Variants in HIVEP3 observed in about 807,000 individuals in gnomAD.
HIVEP3 encodes the protein HIVEP zinc finger 3.
Under a neutral mutation model 152.8 loss-of-function variants are expected in HIVEP3, and 49 were observed. The observed-to-expected ratio is 0.32, with a 90% CI of 0.26 to 0.41. HIVEP3 has a LOEUF of 0.41. Ranked by LOEUF, HIVEP3 falls within the 10% of genes least tolerant of loss-of-function variation. The probability of loss-of-function intolerance (pLI) is 1.00; values close to 1 mark genes in which losing one functional copy is unlikely to be tolerated. For synonymous variants in HIVEP3, 1,269 were observed against 1,289.0 expected (o/e 0.98, Z 0.33); for missense variants, 2,790 against 3,103.3 (o/e 0.90, Z 2.40).
intron 5 of HIVEP3, among the ~76,000 whole-genome samples, chr1:41,548,546 T>A (rs983634359): frequency 2.0e-5 from 3 of 152,286 alleles, no homozygotes; most frequent in Admixed American, 1.3e-4. Flanking sequence ...GGTTTGTTTT[T>A]TTTTTTGAGA....
At chr1:41,972,856 G>A (rs1368090870) in intron 1 of HIVEP3, among the ~76,000 whole-genome samples, 2 of 152,052 alleles carry the variant, frequency 1.3e-5, no homozygotes, top group South Asian at 2.1e-4. Flanking sequence ...TTTTCTCTGA[G>A]TGGGTTCTTC....
At chr1:41,868,541 C>T (rs1281653232) in intron 1 of HIVEP3, among the ~76,000 whole-genome samples, 1 of 152,134 alleles carries the variant, frequency 6.6e-6, no homozygotes, top group African/African-American at 2.4e-5. Context: ...TGTTTATATT[C>T]AACCCTAAAG....
chr1:41,866,998 A>C (rs1643989166), intron 1 of HIVEP3, among the ~76,000 whole-genome samples: 1 of 152,188 alleles, frequency 6.6e-6, no homozygotes, highest in African/African-American at 2.4e-5. Context: ...GACATCTTTA[A>C]AGCTTGCAAA....
At position 41,510,991 on chromosome 1, in the gene HIVEP3, C is replaced by T. The variant is rs778521437; in HGVS notation, c.6681G>A (p.Gly2227=). 12 of 1,613,402 alleles carry T rather than the reference C, an allele frequency of 7.4e-6. No homozygotes were observed. The South Asian group carries it at 9.9e-5, about 13-fold the overall frequency. The change falls in exon 9 of 9, where the codon GGG becomes GGA. Residue 2227 remains glycine, a synonymous_variant. Coordinates refer to ENST00000372583, the MANE Select transcript of HIVEP3 (RefSeq NM_024503.5). ...GGGCCCCTGTCAGGTCGCTGCCACCCCCGGAGAAGCCACTGACCCAGGCTG... is the reference window on the plus strand; with the variant it reads ...GGGCCCCTGTCAGGTCGCTGCCACCTCCGGAGAAGCCACTGACCCAGGCTG... ...PTAAWVSGFS[G]GGSDLTGARE...
intron 1 of HIVEP3, among the ~76,000 whole-genome samples, chr1:41,884,006 A>G (rs1005243770): frequency 6.6e-6 from 1 of 152,216 alleles, no homozygotes; most frequent in Non-Finnish European, 1.5e-5. Context: ...TCTGTCACCC[A>G]GGCTAGAGCA....
At chr1:41,897,852 T>C (rs986829062) in intron 1 of HIVEP3, among the ~76,000 whole-genome samples, 2 of 151,750 alleles carry the variant, frequency 1.3e-5, no homozygotes, top group South Asian at 2.1e-4. Context: ...TCCACACTCT[T>C]AGGGAGAGGA....
intron 1 of HIVEP3, among the ~76,000 whole-genome samples, chr1:41,866,536 T>C (rs1281780430): frequency 1.1e-5 from 1 of 87,822 alleles, no homozygotes; most frequent in African/African-American, 5.7e-5. Context: ...TGGGACTCAC[T>C]GGATCTGGAC....
chr1:41,827,751 G>T (rs1374266898), intron 1 of HIVEP3, among the ~76,000 whole-genome samples: 1 of 152,176 alleles, frequency 6.6e-6, no homozygotes, highest in Non-Finnish European at 1.5e-5. Context: ...ACATGAAGAA[G>T]ATTTTTTTTC....
chr1:41,555,897 C>T (rs1206141708), intron 5 of HIVEP3, among the ~76,000 whole-genome samples: 4 of 152,174 alleles, frequency 2.6e-5, no homozygotes, highest in Admixed American at 6.5e-5. Flanking sequence ...TGTCCTTTTT[C>T]GTGACTGGCT....
chr1:41,608,519 C>G (rs1176885233), intron 3 of HIVEP3, among the ~76,000 whole-genome samples: 9 of 152,210 alleles, frequency 5.9e-5, no homozygotes, highest in Non-Finnish European at 1.0e-4. Flanking sequence ...ACTTGCTCTT[C>G]TGAAGGGCTC....
intron 1 of HIVEP3, among the ~76,000 whole-genome samples, chr1:41,704,660 G>C (rs566474817): frequency 4.6e-5 from 7 of 152,338 alleles, no homozygotes; most frequent in African/African-American, 1.4e-4. Context: ...AGTCTGCAGT[G>C]GGCACTTGAA....
intron 2 of HIVEP3, among the ~76,000 whole-genome samples, chr1:41,679,603 G>A (rs1646008497): frequency 6.6e-6 from 1 of 152,190 alleles, no homozygotes; most frequent in Admixed American, 6.5e-5. Context: ...AGCCTACAAG[G>A]TGCTGCTGCC....
rs145938591 is a variant in HIVEP3, at chr1:41,580,477, T to C, written c.4321A>G (p.Thr1441Ala). Reference sequence around the variant, plus strand: ...CTTTTTTGCTGCTGGGTTTCCATGGTAAGTTCAAGGCTGCCAGCTGGTGAA... The same window carrying C: ...CTTTTTTGCTGCTGGGTTTCCATGGCAAGTTCAAGGCTGCCAGCTGGTGAA... Reference protein sequence around the residue: ...VLSPAGSLELTMETQQQKRVK... With the variant: ...VLSPAGSLELAMETQQQKRVK... Residue 1441 changes from threonine to alanine, a missense_variant, in exon 4 of 9, where the codon ACC (threonine) becomes GCC (alanine). Physicochemically the swap from Thr to Ala is moderately conservative, Grantham distance 58. Transcript: ENST00000372583. The C allele has an allele frequency of 1.9e-6, 3 of 1,614,072 alleles. No homozygotes were observed. In the African/African-American group the frequency reaches 4.0e-5, roughly 22 times the overall value.
At chr1:41,632,420 A>T (rs1189256141) in intron 2 of HIVEP3, among the ~76,000 whole-genome samples, 1 of 152,178 alleles carries the variant, frequency 6.6e-6, no homozygotes, top group African/African-American at 2.4e-5. Context: ...AAGAAAGAGG[A>T]TATTTAAAAC....
At chr1:41,732,158 T>C (rs1646849373) in intron 1 of HIVEP3, among the ~76,000 whole-genome samples, 1 of 151,786 alleles carries the variant, frequency 6.6e-6, no homozygotes, top group Non-Finnish European at 1.5e-5. Flanking sequence ...GAGGAAGGAG[T>C]TCTGAGAGAG....
At chr1:41,890,359 G>T (rs369460764) in intron 1 of HIVEP3, among the ~76,000 whole-genome samples, 1 of 152,138 alleles carries the variant, frequency 6.6e-6, no homozygotes, top group Admixed American at 6.5e-5. Context: ...AAAGATGCTC[G>T]GGGCACAAAT....
At chr1:41,986,514 C>G (rs959137243) in intron 1 of HIVEP3, among the ~76,000 whole-genome samples, 11 of 150,056 alleles carry the variant, frequency 7.3e-5, no homozygotes, top group African/African-American at 2.5e-4. Flanking sequence ...TATGTCGGCT[C>G]ACTGCAAGCT....
At chr1:41,772,362 T>C (rs1648430196) in intron 1 of HIVEP3, among the ~76,000 whole-genome samples, 1 of 152,178 alleles carries the variant, frequency 6.6e-6, no homozygotes, top group Non-Finnish European at 1.5e-5. Context: ...TCCTGGTGCA[T>C]GACAGGCACA....
intron 1 of HIVEP3, among the ~76,000 whole-genome samples, chr1:41,904,507 G>T (rs891335684): frequency 5.9e-5 from 9 of 152,094 alleles, no homozygotes; most frequent in Non-Finnish European, 1.2e-4. Flanking sequence ...TGGAATTAAG[G>T]GAGACTATCC....
Sources: allele counts gnomAD v4.1 joint callset (sites outside exome capture counted in the v4.1 genomes callset), GRCh38; gene constraint gnomAD v4.1.1; transcripts MANE v1.5; gene names NCBI Gene and HGNC (gene_info 2026-07-23, HGNC 2026-07-21).